The following EYS variants were observed in gnomAD, a reference collection of about 807,000 sequenced individuals.
EYS encodes the protein EGF-like photoreceptor maintenance factor, also known as protein eyes shut homolog.
A neutral mutation model predicts 282.1 loss-of-function variants in EYS; 250 were observed. That is an observed-to-expected ratio of 0.89 (90% CI 0.80 to 0.98). EYS has a LOEUF of 0.98. Among genes scored for constraint, EYS ranks in the 50% least tolerant of loss-of-function variants. The pLI, the probability that EYS is intolerant of heterozygous loss-of-function variation, is 0.00. For missense variants in EYS, 4,016 were observed against 3,709.0 expected, an observed-to-expected ratio of 1.08 and a Z score of -2.15; for synonymous variants, 1,355 against 1,282.9, an observed-to-expected ratio of 1.06 and a Z score of -1.20.
intron 31 of EYS, among the ~76,000 whole-genome samples, chr6:64,120,011 A>C (rs1018649909): frequency 6.6e-6 from 1 of 152,078 alleles, no homozygotes; most frequent in Non-Finnish European, 1.5e-5. Context: ...GACCTAAACA[A>C]ATTTACCATA....
chr6:64,823,670 G>A (rs930322329), intron 19 of EYS, among the ~76,000 whole-genome samples: 1 of 151,884 alleles, frequency 6.6e-6, no homozygotes, highest in East Asian at 1.9e-4. Flanking sequence ...TCATCAAACC[G>A]ATAGGCAGAT....
chr6:65,464,938 T>C (rs1392999933), intron 5 of EYS, among the ~76,000 whole-genome samples: 1 of 152,190 alleles, frequency 6.6e-6, no homozygotes, highest in African/African-American at 2.4e-5. Context: ...TAAAAATTTC[T>C]GAATTGGGGT....
intron 22 of EYS, among the ~76,000 whole-genome samples, chr6:64,703,423 A>ATTTTT (rs1318388190): frequency 4.0e-5 from 1 of 25,106 alleles, no homozygotes. Flanking sequence ...ATATATATAT[A>ATTTTT]TATATATTTT....
At chr6:64,458,227 T>C (rs919757179) in intron 26 of EYS, among the ~76,000 whole-genome samples, 1 of 152,088 alleles carries the variant, frequency 6.6e-6, no homozygotes, top group African/African-American at 2.4e-5. Flanking sequence ...CCTTACAGTA[T>C]TACAATATTC....
intron 41 of EYS, among the ~76,000 whole-genome samples, chr6:63,743,859 A>G (rs926531996): frequency 9.2e-5 from 14 of 152,154 alleles, no homozygotes; most frequent in Non-Finnish European, 1.8e-4. Context: ...AACAAAATAA[A>G]CAGTTGAACT....
At chr6:64,297,977 C>CAAAAAAAAAAAAAAAAAAAA (rs34562408) in intron 30 of EYS, among the ~76,000 whole-genome samples, 5 of 96,436 alleles carry the variant, frequency 5.2e-5, no homozygotes, top group African/African-American at 1.5e-4. Context: ...GATTCTGTCT[C>CAAAAAAAAAAAAAAAAAAAA]AAAAAAAAAA....
At position 64,591,441 on chromosome 6, in the gene EYS, A is replaced by T. The variant is rs757252768; in HGVS notation, c.4426T>A (p.Ser1476Thr). The T allele has an allele frequency of 6.4e-7, 1 of 1,551,386 alleles. No individual in the cohort carries two copies. The highest frequency in any genetic ancestry group is 1.4e-5 in the African/African-American group (1 of 73,122). ...CAGTGCTCTCTTCTTGAAATTAAAG[A>T]ATCAGCTGAATATTCTTCAATATCC... ...QEDIEEYSAD[S>T]LISRREHWRL... Residue 1476 changes from serine (S) to threonine (T), a missense_variant, in exon 26 of 43, where the codon TCT becomes ACT. Ser to Thr is a moderately conservative substitution (Grantham distance 58). Coordinates refer to ENST00000503581, the MANE Select transcript of EYS (RefSeq NM_001142800.2).
chr6:64,610,695 C>T lies in EYS; in HGVS notation c.3684+6723G>A, dbSNP rs1582951829. 2.6e-5 allele frequency among the ~76,000 whole-genome samples: 4 copies of T among 152,074 alleles called. No homozygotes were observed. In the East Asian group the frequency reaches 7.7e-4, roughly 29 times the overall value. On this transcript the variant is annotated intron_variant, in intron 24 of 42. Transcript: ENST00000503581. ...CTGGGGTTACAGGCATGAGCCACTG[C>T]AACAAGCAAGTTGTAAGACATTTAG...
chr6:64,269,266 C>T (rs1562280196), intron 30 of EYS, among the ~76,000 whole-genome samples: 1 of 151,814 alleles, frequency 6.6e-6, no homozygotes, highest in Admixed American at 6.6e-5. Flanking sequence ...TTATAAGGGA[C>T]AATTAAAATG....
chr6:65,553,815 C>T (rs890059121), intron 2 of EYS, among the ~76,000 whole-genome samples: 1 of 152,006 alleles, frequency 6.6e-6, no homozygotes, highest in African/African-American at 2.4e-5. Context: ...CTGATTTTTA[C>T]ATTTAAATAA....
chr6:65,379,907 C>T (rs941112942), intron 8 of EYS, among the ~76,000 whole-genome samples: 1 of 151,836 alleles, frequency 6.6e-6, no homozygotes, highest in Non-Finnish European at 1.5e-5. Flanking sequence ...ATACAATTTA[C>T]AAGAGATGTG....
chr6:64,082,933 G>T (rs1336629130), intron 31 of EYS, among the ~76,000 whole-genome samples: 4 of 146,074 alleles, frequency 2.7e-5, no homozygotes, highest in South Asian at 2.1e-4. Flanking sequence ...TTTTGAGATA[G>T]TGTCTCATTT....
intron 36 of EYS, among the ~76,000 whole-genome samples, chr6:63,859,628 G>T (rs566618989): frequency 6.7e-6 from 1 of 148,544 alleles, no homozygotes; most frequent in Non-Finnish European, 1.5e-5. Flanking sequence ...TCTAATAAAT[G>T]CTACTGCCAC....
chr6:64,396,769 G>A (rs1292077762), intron 28 of EYS, among the ~76,000 whole-genome samples: 1 of 151,960 alleles, frequency 6.6e-6, no homozygotes, highest in African/African-American at 2.4e-5. Context: ...TGTTCTACTG[G>A]TCAATTTTTC....
At chr6:64,496,817 A>T (rs1232949290) in intron 26 of EYS, among the ~76,000 whole-genome samples, 2 of 152,024 alleles carry the variant, frequency 1.3e-5, no homozygotes, top group Admixed American at 1.3e-4. Flanking sequence ...TTAGTTTCAA[A>T]TTTTTAGTTT....
chr6:65,610,922 C>G (rs1452396555), intron 2 of EYS, among the ~76,000 whole-genome samples: 3 of 152,012 alleles, frequency 2.0e-5, no homozygotes, highest in Admixed American at 2.0e-4. Flanking sequence ...ATGAATGATA[C>G]AAAAGATTCA....
At chr6:64,035,601 T>C (rs897705658) in intron 33 of EYS, among the ~76,000 whole-genome samples, 17 of 152,208 alleles carry the variant, frequency 1.1e-4, no homozygotes, top group African/African-American at 4.1e-4. Flanking sequence ...TAAAGAATCA[T>C]GTAAGATGCA....
intron 28 of EYS, among the ~76,000 whole-genome samples, chr6:64,392,214 C>A (rs201954273): frequency 0.26 from 37,384 of 144,082 alleles, 4,960 homozygotes; most frequent in East Asian, 0.44. Context: ...TTAGACAGAT[C>A]AACGAGACAG....
chr6:64,093,278 C>T lies in EYS; in HGVS notation c.6425-11276G>A, dbSNP rs1463635928. Reference sequence around the variant, plus strand: ...ATATGAACTTTAAAGTAGTTTTTTCCAATTCTGTGAAGAAAGTCATTGGTA... The same window carrying T: ...ATATGAACTTTAAAGTAGTTTTTTCTAATTCTGTGAAGAAAGTCATTGGTA... On this transcript the variant is annotated intron_variant, in intron 31 of 42. Transcript: ENST00000503581. Among the ~76,000 whole-genome samples, 13 of 152,088 alleles carry T rather than the reference C, an allele frequency of 8.5e-5. No individual in the cohort carries two copies. In the East Asian group the frequency reaches 1.5e-3, roughly 18 times the overall value.
Sources: gnomAD v4.1 joint callset for allele counts (sites outside exome capture counted in the v4.1 genomes callset) on GRCh38, gnomAD v4.1.1 for gene constraint, MANE v1.5 for transcripts, NCBI Gene and HGNC (gene_info 2026-07-23, HGNC 2026-07-21) for gene names.